The following DTD1 variants were observed in gnomAD, a reference collection of about 807,000 sequenced individuals.
DTD1 encodes the protein D-aminoacyl-tRNA deacylase 1.
DTD1 carries 13 observed loss-of-function variants against 25.6 expected under a neutral mutation model. The observed-to-expected ratio is 0.51, with a 90% CI of 0.33 to 0.81. The LOEUF (loss-of-function observed/expected upper bound fraction) is 0.81. Ranked by LOEUF, DTD1 falls within the 30% of genes least tolerant of loss-of-function variation. The pLI, the probability that DTD1 is intolerant of heterozygous loss-of-function variation, is 0.02. For synonymous variants in DTD1, 110 were observed against 103.6 expected, an observed-to-expected ratio of 1.06 and a Z score of -0.37; for missense variants, 193 against 266.4, an observed-to-expected ratio of 0.72 and a Z score of 1.92.
rs766017552 is a variant in DTD1 at position 18,628,237 on chromosome 20, A to G, written c.477+4A>G. The G allele has an allele frequency of 1.1e-5, 17 of 1,611,854 alleles. No homozygotes were observed. Among genetic ancestry groups the G allele is most frequent in the Non-Finnish European group, 1.4e-5 (17 of 1,178,330 alleles). ...TGCTACCTCTGACCCAAAGCAGGTA[A>G]GCCTGGAGTCTGGTGCCTGGCTCCG... On this transcript the variant is annotated splice_donor_region_variant and intron_variant, in intron 4 of 5. Coordinates refer to ENST00000377452, the MANE Select transcript of DTD1 (RefSeq NM_080820.6).
intron 4 of DTD1, among the ~76,000 whole-genome samples, chr20:18,742,843 A>G (rs1462788579): frequency 6.6e-6 from 1 of 152,228 alleles, no homozygotes; most frequent in Non-Finnish European, 1.5e-5. Context: ...GATTGGGGGA[A>G]GTGAATCCTC....
chr20:18,758,286 A>G (rs893517632), intron 5 of DTD1, among the ~76,000 whole-genome samples: 2 of 151,690 alleles, frequency 1.3e-5, no homozygotes, highest in Admixed American at 1.3e-4. Context: ...TTCTGCTCTG[A>G]TCTTAGTTAT....
chr20:18,718,685 T>G (rs2061191109), intron 4 of DTD1, among the ~76,000 whole-genome samples: 1 of 152,232 alleles, frequency 6.6e-6, no homozygotes, highest in South Asian at 2.1e-4. Context: ...TCTAATATAA[T>G]GTTATACATA....
At chr20:18,759,908 A>T (rs1442046120) in intron 5 of DTD1, among the ~76,000 whole-genome samples, 1 of 152,086 alleles carries the variant, frequency 6.6e-6, no homozygotes, top group Admixed American at 6.5e-5. Flanking sequence ...ACATAGTCCC[A>T]TATTTCTTGG....
At chr20:18,681,544 A>G (rs879473119) in intron 4 of DTD1, among the ~76,000 whole-genome samples, 1 of 152,196 alleles carries the variant, frequency 6.6e-6, no homozygotes, top group Admixed American at 6.5e-5. Context: ...CATTGTCTGG[A>G]GAAGAACAAG....
At chr20:18,700,756 T>C (rs1600378753) in intron 4 of DTD1, among the ~76,000 whole-genome samples, 1 of 151,944 alleles carries the variant, frequency 6.6e-6, no homozygotes, top group African/African-American at 2.4e-5. Context: ...GATTGGAGGG[T>C]GTCTGGGGAA....
intron 4 of DTD1, among the ~76,000 whole-genome samples, chr20:18,708,244 A>T (rs55847620): frequency 0.21 from 8,489 of 40,680 alleles, 1,118 homozygotes; most frequent in East Asian, 0.36. Flanking sequence ...ATATATATAT[A>T]ATATATATTA....
intron 5 of DTD1, among the ~76,000 whole-genome samples, chr20:18,762,364 G>T (rs1350271292): frequency 1.3e-5 from 2 of 152,164 alleles, no homozygotes; most frequent in Non-Finnish European, 2.9e-5. Flanking sequence ...ATAGATCTCG[G>T]CAATACTAGC....
At chr20:18,713,592 C>T (rs891215183) in intron 4 of DTD1, among the ~76,000 whole-genome samples, 6 of 152,170 alleles carry the variant, frequency 3.9e-5, no homozygotes, top group African/African-American at 9.7e-5. Context: ...CCTGGGTTCA[C>T]GTCCCCACCT....
At chr20:18,662,760 T>C (rs1187338915) in intron 4 of DTD1, among the ~76,000 whole-genome samples, 1 of 152,156 alleles carries the variant, frequency 6.6e-6, no homozygotes, top group Non-Finnish European at 1.5e-5. Context: ...CTTTTTTTTT[T>C]GTTCCACTTT....
intron 4 of DTD1, among the ~76,000 whole-genome samples, chr20:18,731,887 A>G (rs2061240083): frequency 6.6e-6 from 1 of 151,484 alleles, no homozygotes. Context: ...AGCCTTGGGG[A>G]ATGTACTTCT....
intron 4 of DTD1, among the ~76,000 whole-genome samples, chr20:18,655,893 C>T (rs955635043): frequency 6.6e-5 from 10 of 152,120 alleles, no homozygotes; most frequent in African/African-American, 2.4e-4. Flanking sequence ...CCTCAGCCTC[C>T]CGAGTAGCTG....
At chr20:18,689,579 A>T (rs940491183) in intron 4 of DTD1, among the ~76,000 whole-genome samples, 7 of 152,140 alleles carry the variant, frequency 4.6e-5, no homozygotes, top group African/African-American at 1.7e-4. Context: ...GAGAGGGTCA[A>T]TGGGGGCAGG....
In DTD1 at chr20:18,618,376, G is replaced by T. The variant is rs116093553; in HGVS notation, c.371-9751G>T. On this transcript the variant is annotated intron_variant, in intron 3 of 5. Coordinates refer to ENST00000377452, the MANE Select transcript of DTD1 (RefSeq NM_080820.6). ...TTTTTTTGTTTTTTTTTGAGACAGG[G>T]TCTGGCTCTTTGTCACCCAGGCTGG... Among the ~76,000 whole-genome samples the T allele has an allele frequency of 5.4e-3, 822 of 151,164 alleles. 5 individuals are homozygous for T. Among genetic ancestry groups the T allele is most frequent in the African/African-American group, 0.019 (780 of 41,194 alleles).
At chr20:18,631,397 C>A in intron 4 of DTD1, 1 of 985,782 alleles carries the variant, frequency 1.0e-6, no homozygotes. Context: ...GGCTTTGGAG[C>A]CCTTCCCTTC....
intron 1 of DTD1, among the ~76,000 whole-genome samples, chr20:18,593,401 T>G (rs2060598046): frequency 6.6e-6 from 1 of 152,124 alleles, no homozygotes; most frequent in Admixed American, 6.5e-5. Context: ...GAAAACACAG[T>G]TCTGTTTTTA....
chr20:18,739,991 T>A (rs2061270898), intron 4 of DTD1, among the ~76,000 whole-genome samples: 1 of 152,092 alleles, frequency 6.6e-6, no homozygotes, highest in African/African-American at 2.4e-5. Flanking sequence ...TAAATAGTTA[T>A]CACATGTGAT....
At chr20:18,683,208 C>T (rs2061004072) in intron 4 of DTD1, among the ~76,000 whole-genome samples, 1 of 152,168 alleles carries the variant, frequency 6.6e-6, no homozygotes, top group Admixed American at 6.6e-5. Flanking sequence ...GGCAGCTTTT[C>T]AGGTGGTTCC....
At chr20:18,613,215 T>A (rs1274427460) in intron 3 of DTD1, among the ~76,000 whole-genome samples, 1 of 152,216 alleles carries the variant, frequency 6.6e-6, no homozygotes, top group Non-Finnish European at 1.5e-5. Flanking sequence ...AGACACTTTA[T>A]CTGTCAGCCC....
Sources: allele counts gnomAD v4.1 joint callset (sites outside exome capture counted in the v4.1 genomes callset), GRCh38; gene constraint gnomAD v4.1.1; transcripts MANE v1.5; gene names NCBI Gene and HGNC (gene_info 2026-07-23, HGNC 2026-07-21).